EPS15L1: variants seen among roughly 807,000 people sequenced by gnomAD.
EPS15L1 encodes epidermal growth factor receptor pathway substrate 15 like 1.
A neutral mutation model predicts 117.1 loss-of-function variants in EPS15L1; 43 were observed. That is an observed-to-expected ratio of 0.37 (90% CI 0.29 to 0.47). The LOEUF (loss-of-function observed/expected upper bound fraction) is 0.47. Ranked by LOEUF, EPS15L1 falls within the 20% of genes least tolerant of loss-of-function variation. The probability of loss-of-function intolerance (pLI) is 0.99; values close to 1 mark genes in which losing one functional copy is unlikely to be tolerated. For missense variants in EPS15L1, 981 were observed against 1,164.0 expected (o/e 0.84, Z 2.29); for synonymous variants, 459 against 470.5 (o/e 0.98, Z 0.32).
At chr19:16,392,127 C>T (rs2092482575) in intron 19 of EPS15L1, among the ~76,000 whole-genome samples, 177 bp downstream of exon 19, 1 of 152,172 alleles carries the variant, frequency 6.6e-6, no homozygotes, top group Non-Finnish European at 1.5e-5. Context: ...AGTGAGCTCC[C>T]TCACTCAGCA....
At chr19:16,434,595 T>C in intron 6 of EPS15L1, 105 bp from the exon 7 acceptor site, 1 of 1,246,674 alleles carries the variant, frequency 8.0e-7, no homozygotes, top group Admixed American at 2.1e-5. Flanking sequence ...GGACCCATCA[T>C]CACCCTTGGC....
At chr19:16,461,677 G>C (rs1244938017) in intron 1 of EPS15L1, among the ~76,000 whole-genome samples, 8 of 152,080 alleles carry the variant, frequency 5.3e-5, no homozygotes, top group Non-Finnish European at 1.2e-4. Context: ...TTGGCGTAAT[G>C]ACAGAGGCAC....
intron 12 of EPS15L1, among the ~76,000 whole-genome samples, chr19:16,416,503 T>C (rs2092759256): frequency 6.6e-6 from 1 of 151,982 alleles, no homozygotes; most frequent in South Asian, 2.1e-4. Context: ...CCAGGCATGG[T>C]GGCATGCACC....
chr19:16,395,394 G>A lies in EPS15L1; in HGVS notation c.1865C>T (p.Thr622Ile). The change falls in exon 17 of 24, where the codon ACA (threonine) becomes ATA (isoleucine). Residue 622 changes from threonine (T) to isoleucine (I), a missense_variant. Thr to Ile is a moderately conservative substitution (Grantham distance 89). Coordinates refer to ENST00000455140, the MANE Select transcript of EPS15L1 (RefSeq NM_001258374.3). ...TQELHPDPFQ[T>I]EDPFKSDPFK... Reference sequence around the variant, plus strand: ...TGGGTCAGATTTGAAGGGGTCTTCTGTCTGGAAAGGATCCGGATGCAACTC... The same window carrying A: ...TGGGTCAGATTTGAAGGGGTCTTCTATCTGGAAAGGATCCGGATGCAACTC... The A allele has an allele frequency of 1.9e-6, 3 of 1,613,852 alleles. No homozygotes were observed. The highest frequency in any genetic ancestry group is 2.5e-6 in the Non-Finnish European group (3 of 1,179,786).
rs558901606 is a variant in EPS15L1, at chr19:16,434,526, G to A, written c.373-36C>T. ...AGAAATAGCCCGAGTAAGTAGGAGA[G>A]CACACCTGTGTGAATGTCCAGACCG... is the stretch of plus-strand genomic sequence containing the variant. On this transcript the variant is annotated intron_variant, in intron 6 of 23. Coordinates refer to ENST00000455140, the MANE Select transcript of EPS15L1 (RefSeq NM_001258374.3). 3.1e-6 allele frequency: 5 copies of A among 1,601,238 alleles called. No homozygotes were observed. In the African/African-American group the frequency reaches 5.3e-5, roughly 17 times the overall value.
chr19:16,360,100 C>A (rs2092032264), intron 23 of EPS15L1, among the ~76,000 whole-genome samples: 1 of 150,866 alleles, frequency 6.6e-6, no homozygotes, highest in East Asian at 1.9e-4. Flanking sequence ...AAAAACGAGC[C>A]CTTTGCGGGT....
At chr19:16,391,702 C>T (rs778233865) in intron 19 of EPS15L1, among the ~76,000 whole-genome samples, 6 of 151,772 alleles carry the variant, frequency 4.0e-5, no homozygotes, top group Non-Finnish European at 5.9e-5. Context: ...GCAAAATACC[C>T]GGTGTCTGCC....
rs774587859 is a variant in EPS15L1 at position 16,395,330 on chromosome 19, A to G, written c.1915+14T>C. On this transcript the variant is annotated intron_variant, in intron 17 of 23. Coordinates refer to ENST00000455140, the MANE Select transcript of EPS15L1 (RefSeq NM_001258374.3). Reference sequence around the variant, plus strand: ...ACAGTCTTTCAATGAGAAAGTGGGTAGCAAGTGAGATACCTTTGAAGGGGT... The same window carrying G: ...ACAGTCTTTCAATGAGAAAGTGGGTGGCAAGTGAGATACCTTTGAAGGGGT... The G allele has an allele frequency of 1.2e-6, 2 of 1,609,918 alleles. No homozygotes were observed. The highest frequency in any genetic ancestry group is 1.1e-5 in the South Asian group (1 of 90,454).
chr19:16,411,474 C>T (rs1328139957), intron 13 of EPS15L1, among the ~76,000 whole-genome samples: 5 of 152,086 alleles, frequency 3.3e-5, no homozygotes, highest in African/African-American at 7.2e-5. Flanking sequence ...CTGGCGCCTA[C>T]GGGAGAAACA....
rs536074341 is a variant in EPS15L1 at position 16,403,861 on chromosome 19, G to A, written c.1498C>T (p.Arg500Ter). 5 of 1,614,116 alleles carry A rather than the reference G, an allele frequency of 3.1e-6. No homozygotes were observed. The highest frequency in any genetic ancestry group is 4.5e-5 in the East Asian group (2 of 44,890). ...AATCGGTTCAGCTCCGACTTGGCTC[G>A]GTTCAGATCGTCTTCCTGGGACTTT... ...DLKSQEDDLNRAKSELNRLQQ... is the reference protein window; with the variant it reads ...DLKSQEDDLN The change falls in exon 15 of 24, where the codon CGA (arginine) becomes TGA (stop). Residue 500 changes from arginine to a stop codon, truncating the protein, a stop_gained. Coordinates refer to ENST00000455140, the MANE Select transcript of EPS15L1 (RefSeq NM_001258374.3). LOFTEE classifies it high-confidence loss of function.
chr19:16,379,841 A>G (rs1233622284), intron 21 of EPS15L1, among the ~76,000 whole-genome samples: 2 of 151,978 alleles, frequency 1.3e-5, no homozygotes, highest in African/African-American at 2.4e-5. Flanking sequence ...TCCAGCATCT[A>G]GTCACACAAA....
At chr19:16,358,399 C>T (rs2144618092) in intron 23 of EPS15L1, 1 of 152,674 alleles carries the variant, frequency 6.5e-6, no homozygotes, top group East Asian at 1.9e-4. Context: ...TGGACGGGGC[C>T]ACCTTCTAGT....
At position 16,404,982 on chromosome 19, in the gene EPS15L1, A is replaced by G. The variant is rs2144844258; in HGVS notation, c.1267-233T>C. Reference sequence around the variant, plus strand: ...AGCAGGTATTTCCCGATGGCCTAACAGAGGCCAGGTGCGAGAGAAGGGGCT... The same window carrying G: ...AGCAGGTATTTCCCGATGGCCTAACGGAGGCCAGGTGCGAGAGAAGGGGCT... On this transcript the variant is annotated intron_variant, in intron 13 of 23. Coordinates refer to ENST00000455140, the MANE Select transcript of EPS15L1 (RefSeq NM_001258374.3). The surrounding 1 kb of genome is among the most constrained non-coding windows in gnomAD (Gnocchi z 4.2). 6.6e-6 allele frequency among the ~76,000 whole-genome samples: 1 copy of G among 152,328 alleles called. No individual in the cohort carries two copies. Among genetic ancestry groups the G allele is most frequent in the South Asian group, 2.1e-4 (1 of 4,832 alleles).
At chr19:16,392,797 T>TA (rs2092491963) in intron 18 of EPS15L1, among the ~76,000 whole-genome samples, 1 of 152,182 alleles carries the variant, frequency 6.6e-6, no homozygotes, top group Admixed American at 6.5e-5. Flanking sequence ...CTCATGCCTG[T>TA]AATCCCATCA....
At chr19:16,442,414 G>C (rs774036416) in intron 1 of EPS15L1, among the ~76,000 whole-genome samples, 195 bp from the exon 2 acceptor site, 1 of 152,176 alleles carries the variant, frequency 6.6e-6, no homozygotes, top group Non-Finnish European at 1.5e-5. Context: ...ACCTGATTTA[G>C]AAAAAGTAAG....
chr19:16,464,938 G>C (rs910971101), intron 1 of EPS15L1, among the ~76,000 whole-genome samples: 1 of 152,130 alleles, frequency 6.6e-6, no homozygotes, highest in South Asian at 2.1e-4. Context: ...AATTAGCCAG[G>C]TGTGGTGGCG....
intron 10 of EPS15L1, among the ~76,000 whole-genome samples, chr19:16,418,387 C>G (rs1324397824): frequency 1.3e-5 from 2 of 152,238 alleles, no homozygotes; most frequent in Non-Finnish European, 2.9e-5. Flanking sequence ...CTCACTAGGG[C>G]TGAGATGCAG....
At chr19:16,360,734 C>G (rs184278306) in intron 23 of EPS15L1, among the ~76,000 whole-genome samples, 1 of 152,076 alleles carries the variant, frequency 6.6e-6, no homozygotes. Context: ...GGCAACACAG[C>G]GAGACCCTGT....
chr19:16,426,607 C>A (rs1409345182), intron 8 of EPS15L1, among the ~76,000 whole-genome samples: 2 of 152,216 alleles, frequency 1.3e-5, no homozygotes, highest in South Asian at 4.1e-4. Context: ...CCACTGCACA[C>A]CAGCCTAGAT....
Sources: allele counts gnomAD v4.1 joint callset (sites outside exome capture counted in the v4.1 genomes callset), GRCh38; gene constraint gnomAD v4.1.1; non-coding constraint Gnocchi (gnomAD v3.1); transcripts MANE v1.5; gene names NCBI Gene and HGNC (gene_info 2026-07-23, HGNC 2026-07-21).